BTBD10: variants seen among roughly 807,000 people sequenced by gnomAD.
The protein encoded by BTBD10 is BTB/POZ domain-containing protein 10.
BTBD10 carries 21 observed loss-of-function variants against 53.2 expected under a neutral mutation model. The observed-to-expected ratio is 0.39, with a 90% CI of 0.28 to 0.57. The LOEUF is 0.57. Among genes scored for constraint, BTBD10 ranks in the 20% least tolerant of loss-of-function variants. The pLI, the probability that BTBD10 is intolerant of heterozygous loss-of-function variation, is 0.53. For synonymous variants in BTBD10, 149 were observed against 192.7 expected, an observed-to-expected ratio of 0.77 and a Z score of 1.88; for missense variants, 360 against 594.7, an observed-to-expected ratio of 0.61 and a Z score of 4.10.
intron 5 of BTBD10, 24 bp from the exon 6 acceptor site, chr11:13,413,674 G>C (rs1950018520): frequency 6.3e-7 from 1 of 1,596,990 alleles, no homozygotes; most frequent in East Asian, 2.3e-5. Flanking sequence ...AGTAAAGAAA[G>C]CATAAAATAT....
chr11:13,394,652 C>T (rs1264954431), intron 8 of BTBD10, among the ~76,000 whole-genome samples: 1 of 151,858 alleles, frequency 6.6e-6, no homozygotes, highest in Non-Finnish European at 1.5e-5. Flanking sequence ...CCCATTAACT[C>T]GTCATTTAGC....
intron 8 of BTBD10, among the ~76,000 whole-genome samples, chr11:13,394,065 C>G (rs1438713927): frequency 1.3e-5 from 2 of 152,032 alleles, no homozygotes; most frequent in Non-Finnish European, 2.9e-5. Flanking sequence ...CAAATTCAGG[C>G]AAAAATTATC....
intron 2 of BTBD10, among the ~76,000 whole-genome samples, chr11:13,443,969 C>T (rs1408891417): frequency 6.6e-6 from 1 of 152,078 alleles, no homozygotes; most frequent in African/African-American, 2.4e-5. Flanking sequence ...GATGCTGACA[C>T]ACACACACAC....
chr11:13,417,300 C>G lies in BTBD10; in HGVS notation c.585-40G>C, dbSNP rs991482256. The G allele has an allele frequency of 4.3e-6, 6 of 1,395,916 alleles. No homozygotes were observed. In the African/African-American group the frequency reaches 8.6e-5, roughly 20 times the overall value. 86.5% of individuals were successfully genotyped at this position (1,395,916 alleles called of 1,614,324 possible). ...AATTGAGAAATACGTCAATAGAATA[C>G]TTCCTTCAAAAGGGAAAATAGATTT... is the stretch of plus-strand genomic sequence containing the variant. On this transcript the variant is annotated intron_variant, in intron 4 of 8. Coordinates refer to ENST00000278174, the MANE Select transcript of BTBD10 (RefSeq NM_032320.7).
intron 2 of BTBD10, among the ~76,000 whole-genome samples, chr11:13,432,924 T>C (rs769224090): frequency 7.2e-5 from 11 of 151,890 alleles, no homozygotes; most frequent in Non-Finnish European, 1.5e-4. Flanking sequence ...TTCAAGGAAA[T>C]AATATAAGAA....
chr11:13,415,581 C>CT (rs576713693), intron 5 of BTBD10, among the ~76,000 whole-genome samples: 11,142 of 145,566 alleles, frequency 0.077, 533 homozygotes, highest in Non-Finnish European at 0.11. Flanking sequence ...CCTGCCCCTT[C>CT]TTTTTTTTTT....
chr11:13,423,158 T>C (rs983631503), intron 2 of BTBD10, among the ~76,000 whole-genome samples: 8 of 152,086 alleles, frequency 5.3e-5, no homozygotes, highest in African/African-American at 1.9e-4. Flanking sequence ...ATAAGAAAAC[T>C]GATGATAATA....
intron 2 of BTBD10, among the ~76,000 whole-genome samples, chr11:13,438,095 C>G (rs1950575896): frequency 6.6e-6 from 1 of 151,960 alleles, no homozygotes; most frequent in African/African-American, 2.4e-5. Context: ...AGATTTTTCC[C>G]TCTCATTGTC....
At chr11:13,414,931 G>T (rs1328758196) in intron 5 of BTBD10, among the ~76,000 whole-genome samples, 3 of 151,154 alleles carry the variant, frequency 2.0e-5, no homozygotes, top group Admixed American at 2.0e-4. Flanking sequence ...AATTTCTAAG[G>T]TTGCTGCATC....
At chr11:13,427,198 C>G (rs565678457) in intron 2 of BTBD10, among the ~76,000 whole-genome samples, 1 of 151,396 alleles carries the variant, frequency 6.6e-6, no homozygotes, top group African/African-American at 2.4e-5. Flanking sequence ...GCCTGGGCAA[C>G]AGAGGGAGAC....
intron 1 of BTBD10, among the ~76,000 whole-genome samples, chr11:13,456,979 G>A (rs1384519583): frequency 6.6e-6 from 1 of 152,026 alleles, no homozygotes; most frequent in East Asian, 1.9e-4. Context: ...TGGGCAACAT[G>A]GTGAAACCCT....
chr11:13,440,329 T>C, intron 2 of BTBD10: 3 of 1,088,740 alleles, frequency 2.8e-6, no homozygotes, highest in Non-Finnish European at 2.2e-6. Flanking sequence ...TTGGATATTG[T>C]AATTGATAGA....
intron 2 of BTBD10, among the ~76,000 whole-genome samples, chr11:13,436,979 C>T (rs1214300176): frequency 6.6e-6 from 1 of 152,124 alleles, no homozygotes; most frequent in Non-Finnish European, 1.5e-5. Context: ...GACAGGGTTT[C>T]ACCATGTTGT....
intron 4 of BTBD10, 120 bp from the exon 5 acceptor site, chr11:13,417,380 T>C: frequency 1.5e-6 from 1 of 663,834 alleles, no homozygotes; most frequent in South Asian, 2.7e-5. Context: ...AGAATTTTTA[T>C]CATTAATTTA....
chr11:13,417,329 G>T (rs1279667608), intron 4 of BTBD10, 69 bp from the exon 5 acceptor site: 5 of 1,139,426 alleles, frequency 4.4e-6, no homozygotes, highest in Non-Finnish European at 6.2e-6. Context: ...TAGATTTCAT[G>T]TACAAAAGAA....
chr11:13,417,324 T>G (rs915898795), intron 4 of BTBD10, 64 bp from the exon 5 acceptor site: 1 of 1,187,474 alleles, frequency 8.4e-7, no homozygotes, highest in Non-Finnish European at 1.2e-6. Context: ...GAAAATAGAT[T>G]TCATGTACAA....
At chr11:13,413,374 T>C (rs935375594) in intron 6 of BTBD10, among the ~76,000 whole-genome samples, 156 bp downstream of exon 6, 6 of 152,192 alleles carry the variant, frequency 3.9e-5, no homozygotes, top group Non-Finnish European at 2.9e-5. Flanking sequence ...ATCAAGGTCT[T>C]TGCAAGCTTT....
intron 8 of BTBD10, among the ~76,000 whole-genome samples, chr11:13,390,574 C>A (rs1949382112): frequency 6.6e-6 from 1 of 152,100 alleles, no homozygotes; most frequent in Non-Finnish European, 1.5e-5. Context: ...AAACTCCCGA[C>A]CTCCAGTGAT....
chr11:13,393,535 A>G (rs2135734202), intron 8 of BTBD10, among the ~76,000 whole-genome samples: 1 of 152,254 alleles, frequency 6.6e-6, no homozygotes, highest in East Asian at 1.9e-4. Context: ...TGACTATTCT[A>G]CTTATTTTTT....
Sources: allele counts gnomAD v4.1 joint callset (sites outside exome capture counted in the v4.1 genomes callset), GRCh38; gene constraint gnomAD v4.1.1; transcripts MANE v1.5; gene names NCBI Gene and HGNC (gene_info 2026-07-23, HGNC 2026-07-21).